The following NCAM2 variants were observed in gnomAD, a reference collection of about 807,000 sequenced individuals.
NCAM2 encodes the protein N-CAM-2.
Under a neutral mutation model 98.1 loss-of-function variants are expected in NCAM2, and 30 were observed. The ratio of observed to expected loss-of-function variants is 0.31; its 90% CI spans 0.23 to 0.41. NCAM2 has a LOEUF of 0.41. Among genes scored for constraint, NCAM2 ranks in the 10% least tolerant of loss-of-function variants. NCAM2 has a pLI of 1.00. For synonymous variants in NCAM2, 368 were observed against 342.4 expected, an observed-to-expected ratio of 1.07 and a Z score of -0.83; for missense variants, 867 against 1,005.8, an observed-to-expected ratio of 0.86 and a Z score of 1.87.
Position 21,483,025 on chromosome 21 carries a change from C to T in NCAM2, c.2077+5554C>T, listed in dbSNP as rs1162898958. Among the ~76,000 whole-genome samples, 4 of 151,958 alleles carry T rather than the reference C, an allele frequency of 2.6e-5. No homozygotes were observed. In the East Asian group the frequency reaches 7.7e-4, roughly 29 times the overall value. ...TTGATTTGTTCTGTAATCTTAATGA[C>T]TAAAAATACTACTAAACTTCTGGAC... On this transcript the variant is annotated intron_variant, in intron 15 of 17. Transcript: ENST00000400546.
intron 6 of NCAM2, among the ~76,000 whole-genome samples, chr21:21,327,169 A>G (rs1348174589): frequency 1.3e-5 from 2 of 151,848 alleles, no homozygotes; most frequent in Non-Finnish European, 2.9e-5. Flanking sequence ...AATCCCATGC[A>G]TGGTGGTACG....
intron 1 of NCAM2, among the ~76,000 whole-genome samples, chr21:21,042,981 T>C (rs1004200006): frequency 1.3e-5 from 2 of 152,226 alleles, no homozygotes; most frequent in Non-Finnish European, 2.9e-5. Context: ...ACATGTACTG[T>C]CAATATAACT....
intron 12 of NCAM2, among the ~76,000 whole-genome samples, chr21:21,463,383 G>A (rs1318582205): frequency 3.3e-5 from 5 of 152,084 alleles, no homozygotes; most frequent in African/African-American, 1.2e-4. Flanking sequence ...AAGAGTTATT[G>A]TATCAAAACC....
intron 1 of NCAM2, among the ~76,000 whole-genome samples, chr21:21,089,402 A>G (rs867083105): frequency 2.9e-4 from 44 of 152,280 alleles, no homozygotes; most frequent in Middle Eastern, 6.8e-3. Context: ...TGTCTATACC[A>G]TCTGCTGGCT....
chr21:21,304,395 G>T (rs2073818669), intron 5 of NCAM2, among the ~76,000 whole-genome samples: 1 of 151,744 alleles, frequency 6.6e-6, no homozygotes, highest in African/African-American at 2.4e-5. Flanking sequence ...TTTAGCAACA[G>T]AATTGCCTTT....
intron 1 of NCAM2, among the ~76,000 whole-genome samples, chr21:21,195,696 T>C (rs1024335917): frequency 2.6e-5 from 4 of 152,222 alleles, no homozygotes; most frequent in Non-Finnish European, 4.4e-5. Context: ...TATTCTGATG[T>C]GTGTTTGATC....
At chr21:21,266,401 A>G (rs943743058) in intron 1 of NCAM2, among the ~76,000 whole-genome samples, 1 of 152,152 alleles carries the variant, frequency 6.6e-6, no homozygotes, top group African/African-American at 2.4e-5. Flanking sequence ...TTGCATTCTA[A>G]TTAGAGATAT....
At position 21,389,890 on chromosome 21, in the gene NCAM2, G is replaced by T. The variant is rs972082044; in HGVS notation, c.1195+15877G>T. Among the ~76,000 whole-genome samples the T allele has an allele frequency of 2.6e-5, 4 of 152,180 alleles. No individual in the cohort carries two copies. In the South Asian group the frequency reaches 8.3e-4, roughly 32 times the overall value. ...TTATGAGGCGGAGTCTCACTCTGTT[G>T]CCAGGCTATAGTGCAGTGGCACGAT... On this transcript the variant is annotated intron_variant, in intron 9 of 17. Coordinates refer to ENST00000400546, the MANE Select transcript of NCAM2 (RefSeq NM_004540.5).
At chr21:21,128,014 C>G (rs1450866140) in intron 1 of NCAM2, among the ~76,000 whole-genome samples, 1 of 152,106 alleles carries the variant, frequency 6.6e-6, no homozygotes, top group Non-Finnish European at 1.5e-5. Context: ...TTGTTACTAC[C>G]TACCATTTTC....
intron 8 of NCAM2, among the ~76,000 whole-genome samples, chr21:21,346,537 G>A (rs2075194024): frequency 6.6e-6 from 1 of 151,978 alleles, no homozygotes; most frequent in Non-Finnish European, 1.5e-5. Flanking sequence ...AATGGATCTG[G>A]TAGATGTTTA....
chr21:21,360,016 CAAGT>C (rs765112718), intron 8 of NCAM2, among the ~76,000 whole-genome samples: 3 of 151,762 alleles, frequency 2.0e-5, no homozygotes, highest in Non-Finnish European at 4.4e-5. Flanking sequence ...AAATTATATA[CAAGT>C]AAGTATAGTA....
At chr21:21,259,270 T>C (rs1321957525) in intron 1 of NCAM2, among the ~76,000 whole-genome samples, 1 of 152,156 alleles carries the variant, frequency 6.6e-6, no homozygotes, top group South Asian at 2.1e-4. Flanking sequence ...GTCTCTGTGC[T>C]GAGCCCATTT....
chr21:21,284,762 T>A (rs182544775), intron 3 of NCAM2, among the ~76,000 whole-genome samples: 1 of 151,776 alleles, frequency 6.6e-6, no homozygotes, highest in African/African-American at 2.4e-5. Flanking sequence ...AATGAAAATG[T>A]GTGACAGCAC....
Position 21,421,519 on chromosome 21 carries a change from C to T in NCAM2, c.1480+2950C>T, listed in dbSNP as rs112882157. ...TATAAAAATGATTCAGACAGTCAGC[C>T]TTAGATGGGAAACATGCATTTAAAT... On this transcript the variant is annotated intron_variant, in intron 11 of 17. Transcript: ENST00000400546. Among the ~76,000 whole-genome samples, 1,120 of 151,946 alleles carry T rather than the reference C, an allele frequency of 7.4e-3. 15 individuals carry two copies. Among genetic ancestry groups the T allele is most frequent in the African/African-American group, 0.025 (1,041 of 41,442 alleles).
chr21:21,250,045 C>A (rs1278665749), intron 1 of NCAM2, among the ~76,000 whole-genome samples: 1 of 152,130 alleles, frequency 6.6e-6, no homozygotes, highest in South Asian at 2.1e-4. Flanking sequence ...GTAATAGGTT[C>A]GGATAGACTA....
At chr21:21,084,557 A>T (rs549723709) in intron 1 of NCAM2, among the ~76,000 whole-genome samples, 5 of 152,232 alleles carry the variant, frequency 3.3e-5, no homozygotes, top group Non-Finnish European at 7.3e-5. Flanking sequence ...AACAGCAAGT[A>T]TGATTTTTAA....
At chr21:21,360,448 T>C (rs1307362587) in intron 8 of NCAM2, among the ~76,000 whole-genome samples, 1 of 152,042 alleles carries the variant, frequency 6.6e-6, no homozygotes, top group Admixed American at 6.6e-5. Context: ...TCTGACTATC[T>C]AAGTCTTTCT....
At chr21:21,375,984 G>A (rs1367205901) in intron 9 of NCAM2, among the ~76,000 whole-genome samples, 2 of 151,718 alleles carry the variant, frequency 1.3e-5, no homozygotes, top group African/African-American at 4.8e-5. Context: ...TGAACACTAT[G>A]GATATTTCCA....
chr21:21,020,814 C>T (rs1265740153), intron 1 of NCAM2, among the ~76,000 whole-genome samples: 3 of 152,136 alleles, frequency 2.0e-5, no homozygotes, highest in Admixed American at 2.0e-4. Context: ...TATAGTAGAG[C>T]AGTAAAGACA....
Sources: allele counts gnomAD v4.1 joint callset (sites outside exome capture counted in the v4.1 genomes callset), GRCh38; gene constraint gnomAD v4.1.1; transcripts MANE v1.5; gene names NCBI Gene and HGNC (gene_info 2026-07-23, HGNC 2026-07-21).